The following APBA2 variants were observed in gnomAD, a reference collection of about 807,000 sequenced individuals.
APBA2 encodes amyloid beta precursor protein binding family A member 2.
Under a neutral mutation model 75.0 loss-of-function variants are expected in APBA2, and 30 were observed. The observed-to-expected ratio is 0.40, with a 90% confidence interval of 0.30 to 0.54. The LOEUF (loss-of-function observed/expected upper bound fraction) is 0.54. APBA2 is among the 20% of genes least tolerant of loss of function. The pLI is 0.49. For missense variants in APBA2, 801 were observed against 1,016.1 expected (o/e 0.79, Z 2.88); for synonymous variants, 444 against 409.6 (o/e 1.08, Z -1.01).
At chr15:28,997,790 T>A (rs2038611637) in intron 3 of APBA2, among the ~76,000 whole-genome samples, 1 of 152,206 alleles carries the variant, frequency 6.6e-6, no homozygotes. Context: ...TTTTTATGTA[T>A]CCTGAAATAC....
intron 3 of APBA2, among the ~76,000 whole-genome samples, chr15:29,039,383 C>T (rs564779184): frequency 6.6e-6 from 1 of 152,196 alleles, no homozygotes; most frequent in Non-Finnish European, 1.5e-5. Flanking sequence ...CCTCCTTATC[C>T]TCCTGGCATC....
intron 2 of APBA2, among the ~76,000 whole-genome samples, chr15:28,930,811 G>T (rs1457096475): frequency 6.6e-6 from 1 of 152,182 alleles, no homozygotes; most frequent in Admixed American, 6.5e-5. Context: ...TTGCTGGGCT[G>T]ATGCCCTTGA....
chr15:28,940,356 C>CAAAAAAAAAAAA lies in APBA2; in HGVS notation c.-95+18627_-95+18638dup, dbSNP rs398043111. 3.6e-3 allele frequency among the ~76,000 whole-genome samples: 138 copies of CAAAAAAAAAAAA among 38,394 alleles called. 1 individual carries two copies. Among genetic ancestry groups the CAAAAAAAAAAAA allele is most frequent in the Middle Eastern group, 0.036 (1 of 28 alleles). The allele number at this position is 38,394 out of a possible 152,430, so 25.2% of individuals were successfully genotyped here. ...TGAAACCCCGTCTCTACTAAAAATA[C>CAAAAAAAAAAAA]AAAAAAAAAAAAAAAAAAAAAAAAA... On this transcript the variant is annotated intron_variant, in intron 2 of 14. Coordinates refer to ENST00000683413, the MANE Select transcript of APBA2 (RefSeq NM_001353788.2).
At chr15:28,927,512 C>T (rs776893285) in intron 2 of APBA2, among the ~76,000 whole-genome samples, 8 of 151,992 alleles carry the variant, frequency 5.3e-5, no homozygotes, top group African/African-American at 7.2e-5. Context: ...TCCAGTTACA[C>T]GTGTAACATC....
chr15:28,907,157 T>C (rs1385132913), intron 1 of APBA2, among the ~76,000 whole-genome samples: 2 of 152,212 alleles, frequency 1.3e-5, no homozygotes, highest in Admixed American at 6.5e-5. Flanking sequence ...CAATCTAAAA[T>C]GTATTTTAGA....
chr15:29,101,692 T>G lies in APBA2; in HGVS notation c.1432T>G (p.Ser478Ala), dbSNP rs773529837. 2 of 1,613,546 alleles carry G rather than the reference T, an allele frequency of 1.2e-6. No individual in the cohort carries two copies. The highest frequency in any genetic ancestry group is 1.3e-5 in the African/African-American group (1 of 74,926). Residue 478 changes from serine (S) to alanine (A), a missense_variant, in exon 10 of 15, where the codon TCA becomes GCA. Physicochemically the swap from Ser to Ala is moderately conservative, Grantham distance 99. Around this residue, in one of 2 missense-constraint regions of APBA2, gnomAD observed 367 missense variants for 544.5 expected, o/e 0.67. Transcript: ENST00000683413. Reference sequence around the variant, plus strand: ...GATGGCCAGACGCCGCATGCCCCGGTCAGCCTCTCAGGACTGCATCGAGAC... The same window carrying G: ...GATGGCCAGACGCCGCATGCCCCGGGCAGCCTCTCAGGACTGCATCGAGAC... ...VLMARRRMPR[S>A]ASQDCIETTP...
chr15:29,051,693 C>T (rs915600685), intron 3 of APBA2, among the ~76,000 whole-genome samples: 3 of 152,140 alleles, frequency 2.0e-5, no homozygotes, highest in Admixed American at 1.3e-4. Context: ...CCACTACAAA[C>T]AAGGTGCTGT....
Position 29,117,495 on chromosome 15 carries a change from G to A in APBA2, c.*362G>A, listed in dbSNP as rs560267961. 27 of 298,114 alleles carry A rather than the reference G, an allele frequency of 9.1e-5. No homozygotes were observed. The East Asian group carries it at 2.4e-3, about 26-fold the overall frequency. The allele number at this position is 298,114 out of a possible 1,614,324, so 18.5% of individuals were successfully genotyped here. A position where few individuals can be genotyped will look rare whatever the true frequency, so the allele number is the denominator to read the frequency against. ...GAGCGAACTGGCGCCTCCGAGGGAC[G>A]CGGCTCCCGGGGCAGGGCAGCCGTC... On this transcript the variant is annotated 3_prime_UTR_variant, in exon 15 of 15. Transcript: ENST00000683413.
chr15:28,979,992 A>G (rs2037538473), intron 2 of APBA2, among the ~76,000 whole-genome samples: 1 of 152,250 alleles, frequency 6.6e-6, no homozygotes, highest in African/African-American at 2.4e-5. Context: ...TGAAAGCTGC[A>G]TGGAGATTTT....
At chr15:29,114,815 C>T (rs1005989580) in intron 14 of APBA2, among the ~76,000 whole-genome samples, 3 of 145,918 alleles carry the variant, frequency 2.1e-5, no homozygotes, top group African/African-American at 7.7e-5. Context: ...TGAGTGTATG[C>T]GGATGTACGT....
At chr15:28,892,639 A>G (rs1478515471) in intron 1 of APBA2, among the ~76,000 whole-genome samples, 6 of 149,990 alleles carry the variant, frequency 4.0e-5, no homozygotes, top group Non-Finnish European at 8.9e-5. Flanking sequence ...CTGTGTGTAT[A>G]TGTGTGTGTG....
At chr15:28,955,770 T>TG (rs1029942278) in intron 2 of APBA2, among the ~76,000 whole-genome samples, 15 of 152,134 alleles carry the variant, frequency 9.9e-5, no homozygotes, top group Admixed American at 3.3e-4. Flanking sequence ...TAGGGAGGCA[T>TG]GGGGGGCCTT....
intron 1 of APBA2, among the ~76,000 whole-genome samples, chr15:28,910,436 T>C (rs1168987421): frequency 2.6e-5 from 4 of 152,198 alleles, no homozygotes; most frequent in Non-Finnish European, 4.4e-5. Flanking sequence ...ATCTTAATGG[T>C]GTGCAATAAA....
rs562476573 is a variant in APBA2 at position 28,928,606 on chromosome 15, G to C, written c.-95+6857G>C. Among the ~76,000 whole-genome samples, 4 of 152,272 alleles carry C rather than the reference G, an allele frequency of 2.6e-5. No individual in the cohort carries two copies. The South Asian group carries it at 8.3e-4, about 32-fold the overall frequency. On this transcript the variant is annotated intron_variant, in intron 2 of 14. Coordinates refer to ENST00000683413, the MANE Select transcript of APBA2 (RefSeq NM_001353788.2). ...CCAGACCCCAAACAGGAGGCCAGAG[G>C]GGGCTGGACTCAGGAATGCCCTTCC...
At chr15:28,936,351 A>G (rs1467193230) in intron 2 of APBA2, among the ~76,000 whole-genome samples, 7 of 152,126 alleles carry the variant, frequency 4.6e-5, no homozygotes, top group Admixed American at 2.0e-4. Context: ...CCCTCCTACT[A>G]GGCTACAAAG....
intron 3 of APBA2, among the ~76,000 whole-genome samples, chr15:29,001,403 A>G (rs2152801999): frequency 6.6e-6 from 1 of 152,110 alleles, no homozygotes; most frequent in African/African-American, 2.4e-5. Context: ...TAGAGAGGGC[A>G]TTTCACCATA....
intron 3 of APBA2, among the ~76,000 whole-genome samples, chr15:29,013,444 C>T (rs8042960): frequency 0.32 from 48,325 of 151,748 alleles, 12,508 homozygotes; most frequent in African/African-American, 0.68. Context: ...CGCGCCTGGC[C>T]AATTTTTTGT....
chr15:29,108,612 C>T (rs1212859815), intron 13 of APBA2: 2 of 670,080 alleles, frequency 3.0e-6, no homozygotes, highest in Non-Finnish European at 2.5e-6. Context: ...GATTGGGCCC[C>T]TCCAGCCTTT....
chr15:29,068,368 A>C (rs181695063), intron 4 of APBA2, among the ~76,000 whole-genome samples: 1 of 152,260 alleles, frequency 6.6e-6, no homozygotes, highest in African/African-American at 2.4e-5. Flanking sequence ...GGGTTGATGA[A>C]GATTTTCTCA....
Sources: gnomAD v4.1 joint callset for allele counts (sites outside exome capture counted in the v4.1 genomes callset) on GRCh38, gnomAD v4.1.1 for gene constraint, gnomAD v4.1.1 regional missense constraint, MANE v1.5 for transcripts, NCBI Gene and HGNC (gene_info 2026-07-23, HGNC 2026-07-21) for gene names.